The following CPLANE1 variants were observed in gnomAD, a reference collection of about 807,000 sequenced individuals.
The protein encoded by CPLANE1 is ciliogenesis and planar polarity effector complex subunit 1.
In CPLANE1, 263 loss-of-function variants were observed where a neutral mutation model predicts 362.5. That is an observed-to-expected ratio of 0.73 (90% CI 0.66 to 0.80). The LOEUF (loss-of-function observed/expected upper bound fraction) is 0.80. CPLANE1 is among the 30% of genes least tolerant of loss of function. The probability of loss-of-function intolerance (pLI) is 0.00; values close to 1 mark genes in which losing one functional copy is unlikely to be tolerated. For missense variants in CPLANE1, 3,461 were observed against 3,793.4 expected (o/e 0.91, Z 2.30); for synonymous variants, 1,212 against 1,302.6 (o/e 0.93, Z 1.50).
chr5:37,245,472 T>C lies in CPLANE1; in HGVS notation c.337+7A>G. ...AAACCAACTTAAACAAATAAAAAAATTCCCACCGACTGTAGCTTTGATCAT... is the reference window on the plus strand; with the variant it reads ...AAACCAACTTAAACAAATAAAAAAACTCCCACCGACTGTAGCTTTGATCAT... On this transcript the variant is annotated splice_region_variant and intron_variant, in intron 4 of 52. Transcript: ENST00000651892. 1 of 1,434,938 alleles carries C rather than the reference T, an allele frequency of 7.0e-7. No individual in the cohort carries two copies. The highest frequency in any genetic ancestry group is 2.6e-5 in the East Asian group (1 of 37,960). The allele number at this position is 1,434,938 out of a possible 1,614,324, so 88.9% of individuals were successfully genotyped here. A position where few individuals can be genotyped will look rare whatever the true frequency, so the allele number is the denominator to read the frequency against.
chr5:37,128,991 T>G (rs1765021969), intron 46 of CPLANE1, among the ~76,000 whole-genome samples: 2 of 152,042 alleles, frequency 1.3e-5, no homozygotes, highest in African/African-American at 2.4e-5. Flanking sequence ...AGGCATCACA[T>G]TATGACTTCA....
At position 37,121,219 on chromosome 5, in the gene CPLANE1, A is replaced by T. The variant is rs561505730; in HGVS notation, c.9185+398T>A. Reference sequence around the variant, plus strand: ...ACTGGGCAGGTCTGGGGCGGGTAGCAGAAAGGGAAGTGGTAAGCAGCTGGG... The same window carrying T: ...ACTGGGCAGGTCTGGGGCGGGTAGCTGAAAGGGAAGTGGTAAGCAGCTGGG... On this transcript the variant is annotated intron_variant, in intron 49 of 52. Coordinates refer to ENST00000651892, the MANE Select transcript of CPLANE1 (RefSeq NM_001384732.1). 2.0e-5 allele frequency among the ~76,000 whole-genome samples: 3 copies of T among 152,330 alleles called. No individual in the cohort carries two copies. In the East Asian group the frequency reaches 5.8e-4, roughly 29 times the overall value.
At chr5:37,160,951 G>A (rs1287541750) in intron 38 of CPLANE1, among the ~76,000 whole-genome samples, 2 of 152,086 alleles carry the variant, frequency 1.3e-5, no homozygotes, top group African/African-American at 4.8e-5. Flanking sequence ...GATTACAGGC[G>A]TGAGCCACCG....
chr5:37,240,499 T>C (rs1800140989), intron 6 of CPLANE1, among the ~76,000 whole-genome samples: 1 of 152,122 alleles, frequency 6.6e-6, no homozygotes, highest in Non-Finnish European at 1.5e-5. Flanking sequence ...GGGAGCAGCA[T>C]TTTCCCAAGA....
At chr5:37,155,135 C>G (rs1774708859) in intron 41 of CPLANE1, among the ~76,000 whole-genome samples, 1 of 152,192 alleles carries the variant, frequency 6.6e-6, no homozygotes, top group Non-Finnish European at 1.5e-5. Context: ...CCTATCTAGT[C>G]CATCTTCCAC....
In CPLANE1 at chr5:37,242,286, G is replaced by A. The variant is rs187155648; in HGVS notation, c.677+727C>T. Among the ~76,000 whole-genome samples the A allele has an allele frequency of 5.5e-4, 83 of 151,916 alleles. No homozygotes were observed. In the East Asian group the frequency reaches 7.4e-3, roughly 14 times the overall value. ...GGAGAATCACTTGAACCCAGGAGGC[G>A]GAGGTTACAGTGAGCCAAGATTGCA... On this transcript the variant is annotated intron_variant, in intron 6 of 52. Coordinates refer to ENST00000651892, the MANE Select transcript of CPLANE1 (RefSeq NM_001384732.1).
chr5:37,167,676 G>C (rs1358607417), intron 34 of CPLANE1, among the ~76,000 whole-genome samples: 1 of 152,194 alleles, frequency 6.6e-6, no homozygotes, highest in African/African-American at 2.4e-5. Flanking sequence ...TACTTGGGAG[G>C]CTGAGGCAGG....
chr5:37,239,934 AT>A, intron 6 of CPLANE1, 65 bp from the exon 7 acceptor site: 1 of 1,161,086 alleles, frequency 8.6e-7, no homozygotes, highest in Non-Finnish European at 1.2e-6. Flanking sequence ...TATGTAGTTC[AT>A]TACAAAAATT....
chr5:37,217,332 G>A (rs1299025765), intron 15 of CPLANE1, among the ~76,000 whole-genome samples: 1 of 152,064 alleles, frequency 6.6e-6, no homozygotes, highest in Non-Finnish European at 1.5e-5. Context: ...TCGACCGGGT[G>A]CAGTGGCTCA....
intron 46 of CPLANE1, among the ~76,000 whole-genome samples, chr5:37,131,738 G>A (rs1765880227): frequency 6.6e-6 from 1 of 152,032 alleles, no homozygotes. Flanking sequence ...TGTCACGTTG[G>A]ACAGGCTGGT....
chr5:37,190,807 A>G (rs781758781), intron 21 of CPLANE1, among the ~76,000 whole-genome samples: 92 of 152,328 alleles, frequency 6.0e-4, no homozygotes, highest in Non-Finnish European at 1.1e-3. Flanking sequence ...CACATTACTC[A>G]GGTGTTTATG....
At chr5:37,198,138 A>G (rs951293841) in intron 20 of CPLANE1, among the ~76,000 whole-genome samples, 2 of 152,224 alleles carry the variant, frequency 1.3e-5, no homozygotes, top group African/African-American at 2.4e-5. Flanking sequence ...AGCTAGATAA[A>G]AAGACCTACC....
At chr5:37,098,966 A>G in the CPLANE1 span, among the ~76,000 whole-genome samples, 1 of 151,632 alleles carries the variant, frequency 6.6e-6, no homozygotes, top group East Asian at 1.9e-4. Flanking sequence ...CAAATAAACA[A>G]CCTAACAATG....
chr5:37,104,939 T>C (rs1757482607), downstream of CPLANE1, among the ~76,000 whole-genome samples: 1 of 152,076 alleles, frequency 6.6e-6, no homozygotes, highest in Non-Finnish European at 1.5e-5. Context: ...GTGTTATTAG[T>C]ACACAGTTAC....
At chr5:37,200,028 A>G (rs1788681397) in intron 19 of CPLANE1, among the ~76,000 whole-genome samples, 1 of 152,216 alleles carries the variant, frequency 6.6e-6, no homozygotes, top group African/African-American at 2.4e-5. Context: ...GTTAGTGGCC[A>G]TTCTGCTCCC....
downstream of CPLANE1, among the ~76,000 whole-genome samples, chr5:37,105,010 G>C (rs1208290791): frequency 6.6e-6 from 1 of 152,072 alleles, no homozygotes; most frequent in Non-Finnish European, 1.5e-5. Context: ...GAATAAAGAA[G>C]CTATCAATAG....
At position 37,198,284 on chromosome 5, in the gene CPLANE1, G is replaced by A. The variant is rs550948241; in HGVS notation, c.3672+418C>T. On this transcript the variant is annotated intron_variant, in intron 20 of 52. Coordinates refer to ENST00000651892, the MANE Select transcript of CPLANE1 (RefSeq NM_001384732.1). The stretch of plus-strand genomic sequence containing the variant: ...AATAGCAAGGGGGAGACCCTGACTA[G>A]TGGAGGCTACCGGATGGAAACAGAC... Among the ~76,000 whole-genome samples, 478 of 152,312 alleles carry A rather than the reference G, an allele frequency of 3.1e-3. 3 individuals carry two copies. The highest frequency in any genetic ancestry group is 5.2e-3 in the Non-Finnish European group (357 of 68,030).
intron 20 of CPLANE1, among the ~76,000 whole-genome samples, chr5:37,197,723 T>C (rs1346090547): frequency 1.3e-5 from 2 of 152,242 alleles, no homozygotes; most frequent in Non-Finnish European, 2.9e-5. Flanking sequence ...CATTTTTTAA[T>C]TGAGCTATAA....
intron 30 of CPLANE1, 68 bp from the exon 31 acceptor site, chr5:37,176,054 T>C (rs1580433756): frequency 9.8e-7 from 1 of 1,023,450 alleles, no homozygotes; most frequent in African/African-American, 1.6e-5. Flanking sequence ...GTATGAGTGA[T>C]CTATGCTCAG....
Sources: allele counts gnomAD v4.1 joint callset (sites outside exome capture counted in the v4.1 genomes callset), GRCh38; gene constraint gnomAD v4.1.1; transcripts MANE v1.5; gene names NCBI Gene and HGNC (gene_info 2026-07-23, HGNC 2026-07-21).